Variants in CPEB3 observed in about 807,000 individuals in gnomAD.
CPEB3 encodes cytoplasmic polyadenylation element binding protein 3.
Under a neutral mutation model 67.2 loss-of-function variants are expected in CPEB3, and 20 were observed. That is an observed-to-expected ratio of 0.30 (90% CI 0.21 to 0.43). The LOEUF is 0.43. Ranked by LOEUF, CPEB3 falls within the 20% of genes least tolerant of loss-of-function variation. CPEB3 has a pLI of 1.00. For synonymous variants in CPEB3, 376 were observed against 393.1 expected (o/e 0.96, Z 0.51); for missense variants, 746 against 968.6 (o/e 0.77, Z 3.05).
intron 7 of CPEB3, among the ~76,000 whole-genome samples, chr10:92,103,826 C>G (rs1354426423): frequency 6.6e-6 from 1 of 152,228 alleles, no homozygotes; most frequent in African/African-American, 2.4e-5. Flanking sequence ...TCCAGCCAGA[C>G]AACTTTGTCC....
intron 2 of CPEB3, among the ~76,000 whole-genome samples, chr10:92,205,820 T>C (rs1410524817): frequency 6.6e-6 from 1 of 152,050 alleles, no homozygotes; most frequent in Non-Finnish European, 1.5e-5. Context: ...GAAGGCCAAC[T>C]ACACACAAAT....
At chr10:92,166,379 G>A (rs1847747291) in intron 4 of CPEB3, among the ~76,000 whole-genome samples, 1 of 152,104 alleles carries the variant, frequency 6.6e-6, no homozygotes, top group African/African-American at 2.4e-5. Context: ...AAAGTGCTGG[G>A]ATTACAGGCA....
chr10:92,061,302 C>T (rs1338377714), intron 9 of CPEB3, among the ~76,000 whole-genome samples: 1 of 151,426 alleles, frequency 6.6e-6, no homozygotes, highest in Non-Finnish European at 1.5e-5. Context: ...GCCTGTAATC[C>T]CAACTACTAG....
chr10:92,230,454 C>A (rs550467243), intron 2 of CPEB3, among the ~76,000 whole-genome samples: 159 of 152,182 alleles, frequency 1.0e-3, no homozygotes, highest in African/African-American at 3.6e-3. Flanking sequence ...TGAGGCCTGC[C>A]AACAAGCATT....
chr10:92,210,088 T>C (rs771380725), intron 2 of CPEB3, among the ~76,000 whole-genome samples: 1 of 152,138 alleles, frequency 6.6e-6, no homozygotes, highest in Admixed American at 6.5e-5. Context: ...CAGTCTTTCA[T>C]TGGGATGACC....
chr10:92,087,219 T>C (rs1843411518), intron 8 of CPEB3, among the ~76,000 whole-genome samples: 1 of 152,220 alleles, frequency 6.6e-6, no homozygotes, highest in African/African-American at 2.4e-5. Flanking sequence ...CACATATCTC[T>C]GAATATTTAC....
At chr10:92,181,318 T>A (rs1271145229) in intron 3 of CPEB3, among the ~76,000 whole-genome samples, 1 of 143,984 alleles carries the variant, frequency 6.9e-6, no homozygotes, top group Non-Finnish European at 1.5e-5. Context: ...CTCCTTGGAT[T>A]AAACATTTTA....
chr10:92,215,246 G>A, intron 2 of CPEB3, among the ~76,000 whole-genome samples: 1 of 150,840 alleles, frequency 6.6e-6, no homozygotes, highest in East Asian at 1.9e-4. Flanking sequence ...TCAACCTCCT[G>A]GGTTCAATCG....
At chr10:92,053,513 G>A (rs531636913) in intron 9 of CPEB3, among the ~76,000 whole-genome samples, 51 of 149,174 alleles carry the variant, frequency 3.4e-4, no homozygotes, top group Middle Eastern at 3.6e-3. Context: ...ACAGGAGTGC[G>A]CCACCACGCT....
chr10:92,212,159 G>A (rs1055652777), intron 2 of CPEB3, among the ~76,000 whole-genome samples: 1 of 151,450 alleles, frequency 6.6e-6, no homozygotes, highest in African/African-American at 2.4e-5. Context: ...AGGATTATAG[G>A]CAGGAGCCAC....
chr10:92,171,441 C>A (rs78587545), intron 4 of CPEB3, among the ~76,000 whole-genome samples: 153 of 152,300 alleles, frequency 1.0e-3, no homozygotes, highest in Admixed American at 1.6e-3. Flanking sequence ...CCTCCACCCC[C>A]AACCAGATTT....
chr10:92,057,459 G>GTTTTCCACTTAAGTACATGATGCCC (rs1842155340), intron 9 of CPEB3, among the ~76,000 whole-genome samples: 1 of 152,190 alleles, frequency 6.6e-6, no homozygotes, highest in Non-Finnish European at 1.5e-5. Context: ...GACTTCTAAG[G>GTTTTCCACTTAAGTACATGATGCCC]TTTTCCACTT....
At chr10:92,187,278 C>G (rs1447582075) in intron 3 of CPEB3, among the ~76,000 whole-genome samples, 2 of 152,222 alleles carry the variant, frequency 1.3e-5, no homozygotes, top group African/African-American at 4.8e-5. Context: ...TAGACACTCT[C>G]AGCATACTTT....
rs533657581 is a variant in CPEB3 at position 92,083,936 on chromosome 10, C to A, written c.1688-2435G>T. Among the ~76,000 whole-genome samples, 219 of 152,260 alleles carry A rather than the reference C, an allele frequency of 1.4e-3. 1 individual carries two copies. Among genetic ancestry groups the A allele is most frequent in the African/African-American group, 4.9e-3 (203 of 41,554 alleles). ...CGGTGGCTCACGGCTATAATCCCAG[C>A]ACTTTGGGAGGCCAAGGTGGGCGGA... On this transcript the variant is annotated intron_variant, in intron 8 of 9. Coordinates refer to ENST00000265997, the MANE Select transcript of CPEB3 (RefSeq NM_014912.5).
Position 92,052,076 on chromosome 10 carries a change from T to C in CPEB3, c.*136A>G. 1 of 603,950 alleles carries C rather than the reference T, an allele frequency of 1.7e-6. No homozygotes were observed. The highest frequency in any genetic ancestry group is 2.9e-6 in the Non-Finnish European group (1 of 339,388). The allele number at this position is 603,950 out of a possible 1,614,324, so 37.4% of individuals were successfully genotyped here. On this transcript the variant is annotated 3_prime_UTR_variant, in exon 10 of 10. Coordinates refer to ENST00000265997, the MANE Select transcript of CPEB3 (RefSeq NM_014912.5). ...TGACTGTAAATAATAATAATAATAA[T>C]AAAAAGACCCAATTCTTCTTTAAAA...
chr10:92,063,878 A>C (rs1186048105), intron 9 of CPEB3, among the ~76,000 whole-genome samples: 6 of 152,222 alleles, frequency 3.9e-5, no homozygotes, highest in Non-Finnish European at 8.8e-5. Flanking sequence ...CAAAGTAGAC[A>C]AGCTGGAAAA....
chr10:92,203,908 G>A (rs1277509619), intron 2 of CPEB3, among the ~76,000 whole-genome samples: 3 of 152,074 alleles, frequency 2.0e-5, no homozygotes, highest in Admixed American at 1.3e-4. Context: ...ATCACAACAT[G>A]CACCTTTTAC....
chr10:92,250,215 G>C (rs1024119702), intron 1 of CPEB3, among the ~76,000 whole-genome samples: 1 of 151,252 alleles, frequency 6.6e-6, no homozygotes, highest in Admixed American at 6.6e-5. Flanking sequence ...AGCCTCCCGA[G>C]TAGCTGGGAC....
chr10:92,170,691 AAG>A (rs1847960415), intron 4 of CPEB3, among the ~76,000 whole-genome samples: 3 of 152,156 alleles, frequency 2.0e-5, no homozygotes, highest in South Asian at 4.1e-4. Flanking sequence ...GAGAGGAAGA[AAG>A]AGAGGGTGGG....
Sources: allele counts gnomAD v4.1 joint callset (sites outside exome capture counted in the v4.1 genomes callset), GRCh38; gene constraint gnomAD v4.1.1; transcripts MANE v1.5; gene names NCBI Gene and HGNC (gene_info 2026-07-23, HGNC 2026-07-21).